Variants in MIGA1 observed in about 807,000 individuals in gnomAD.
MIGA1 encodes mitoguardin 1.
A neutral mutation model predicts 82.0 loss-of-function variants in MIGA1; 58 were observed. That is an observed-to-expected ratio of 0.71 (90% confidence interval 0.57 to 0.88). The LOEUF (loss-of-function observed/expected upper bound fraction) is 0.88, where lower values mean the gene tolerates loss of function less well. Ranked by LOEUF, MIGA1 falls within the 40% of genes least tolerant of loss-of-function variation. The pLI is 0.00. For synonymous variants in MIGA1, 249 were observed against 253.6 expected (o/e 0.98, Z 0.17); for missense variants, 751 against 749.1 (o/e 1.00, Z -0.03).
intron 5 of MIGA1, among the ~76,000 whole-genome samples, chr1:77,809,283 A>G (rs1405956332): frequency 6.6e-6 from 1 of 152,200 alleles, no homozygotes; most frequent in Non-Finnish European, 1.5e-5. Context: ...AATTCTCTTT[A>G]TAAAATTGAA....
At chr1:77,844,601 C>G (rs993623972) in intron 8 of MIGA1, among the ~76,000 whole-genome samples, 1 of 152,016 alleles carries the variant, frequency 6.6e-6, no homozygotes, top group African/African-American at 2.4e-5. Flanking sequence ...TTACGTGTGG[C>G]CAATTTTATC....
chr1:77,854,732 C>G (rs1427572840), intron 8 of MIGA1, among the ~76,000 whole-genome samples: 1 of 152,038 alleles, frequency 6.6e-6, no homozygotes, highest in East Asian at 1.9e-4. Flanking sequence ...TGTCCTTAGC[C>G]TACTTTTTGA....
chr1:77,854,371 A>G (rs920657027), intron 8 of MIGA1, among the ~76,000 whole-genome samples: 2 of 152,222 alleles, frequency 1.3e-5, no homozygotes, highest in Admixed American at 1.3e-4. Flanking sequence ...TGCATGTGCA[A>G]GTATCTTTTT....
chr1:77,859,928 A>G, intron 10 of MIGA1, 112 bp from the exon 11 acceptor site: 1 of 662,898 alleles, frequency 1.5e-6, no homozygotes, highest in Non-Finnish European at 2.6e-6. Flanking sequence ...CTGTTGAAAT[A>G]GCACCACATG....
chr1:77,878,298 G>T lies in MIGA1; in HGVS notation c.*3234G>T, dbSNP rs1646909264. 3 of 145,174 alleles carry T rather than the reference G, an allele frequency of 2.1e-5. No individual in the cohort carries two copies. The highest frequency in any genetic ancestry group is 4.4e-4 in the South Asian group (2 of 4,518). 9.0% of individuals were successfully genotyped at this position (145,174 alleles called of 1,614,324 possible). ...AATCCCAGCTACTCGAGAGGCTGAG[G>T]CAGGAGAATCGCTTGAACCCGGGAG... On this transcript the variant is annotated 3_prime_UTR_variant, in exon 16 of 16. Coordinates refer to ENST00000370791, the MANE Select transcript of MIGA1 (RefSeq NM_198549.4).
At position 77,801,561 on chromosome 1, in the gene MIGA1, A is replaced by G. The variant is rs1384193317; in HGVS notation, c.373+53A>G. On this transcript the variant is annotated intron_variant, in intron 3 of 15. Coordinates refer to ENST00000370791, the MANE Select transcript of MIGA1 (RefSeq NM_198549.4). ...ACAAAAGTGTGTAAATCATAACTGG[A>G]ATACAGTGATTTTGGTCTTTTAGTC... is the stretch of plus-strand genomic sequence containing the variant. 8 of 1,462,310 alleles carry G rather than the reference A, an allele frequency of 5.5e-6. No individual in the cohort carries two copies. The Admixed American group carries it at 2.2e-4, about 39-fold the overall frequency. 90.6% of individuals were successfully genotyped at this position (1,462,310 alleles called of 1,614,324 possible). A position where few individuals can be genotyped will look rare whatever the true frequency, so the allele number is the denominator to read the frequency against.
At chr1:77,806,852 G>A in intron 4 of MIGA1, 123 bp from the exon 5 acceptor site, 2 of 550,272 alleles carry the variant, frequency 3.6e-6, no homozygotes, top group South Asian at 2.7e-5. Flanking sequence ...ATTTCTTCAT[G>A]TGGAAATTAC....
chr1:77,869,859 G>T (rs1196079124), intron 14 of MIGA1, among the ~76,000 whole-genome samples: 2 of 115,438 alleles, frequency 1.7e-5, no homozygotes, highest in Non-Finnish European at 3.7e-5. Context: ...CTGGCCAGGC[G>T]GGGGGCTGAT....
intron 8 of MIGA1, chr1:77,847,385 G>A: frequency 8.9e-7 from 1 of 1,120,648 alleles, no homozygotes; most frequent in South Asian, 1.2e-5. Flanking sequence ...ATACTAAATT[G>A]CTTTTGGGGA....
At chr1:77,834,835 A>G (rs1684369587) in intron 7 of MIGA1, among the ~76,000 whole-genome samples, 1 of 152,234 alleles carries the variant, frequency 6.6e-6, no homozygotes, top group Non-Finnish European at 1.5e-5. Flanking sequence ...TAATAAAAGC[A>G]TAGAAAGGAC....
chr1:77,779,942 T>G (rs573878171), intron 1 of MIGA1: 5 of 1,370,062 alleles, frequency 3.6e-6, no homozygotes, highest in Non-Finnish European at 4.7e-6. Context: ...TCGTCTCATC[T>G]CAGAAGCTAA....
At chr1:77,837,960 G>T (rs941949583) in intron 7 of MIGA1, among the ~76,000 whole-genome samples, 2 of 152,108 alleles carry the variant, frequency 1.3e-5, no homozygotes, top group South Asian at 4.1e-4. Flanking sequence ...TCTCAATCAG[G>T]TTATAAAATT....
chr1:77,812,275 T>C (rs191632328), intron 5 of MIGA1, among the ~76,000 whole-genome samples: 4 of 152,156 alleles, frequency 2.6e-5, no homozygotes, highest in Non-Finnish European at 5.9e-5. Flanking sequence ...TCGAGACCAG[T>C]GTGGCCAGCA....
chr1:77,796,666 TATC>T (rs1682671049), intron 2 of MIGA1, among the ~76,000 whole-genome samples: 1 of 152,244 alleles, frequency 6.6e-6, no homozygotes, highest in Admixed American at 6.5e-5. Flanking sequence ...AGTCTTACAA[TATC>T]CAGGCAAAAC....
intron 8 of MIGA1, among the ~76,000 whole-genome samples, chr1:77,844,662 T>G (rs1684770347): frequency 6.6e-6 from 1 of 152,128 alleles, no homozygotes; most frequent in Admixed American, 6.5e-5. Context: ...TAATTTTAGG[T>G]GCTCTTTTTT....
intron 4 of MIGA1, among the ~76,000 whole-genome samples, chr1:77,805,371 C>T (rs1309176914): frequency 6.6e-6 from 1 of 151,106 alleles, no homozygotes; most frequent in East Asian, 2.0e-4. Context: ...TTTTTAAAGG[C>T]TCTTCTAGGA....
At chr1:77,833,704 G>C (rs762982569) in intron 7 of MIGA1, among the ~76,000 whole-genome samples, 2 of 152,320 alleles carry the variant, frequency 1.3e-5, no homozygotes, top group Admixed American at 1.3e-4. Context: ...CTGTGGCAGG[G>C]GACCTTTGTG....
intron 12 of MIGA1, among the ~76,000 whole-genome samples, chr1:77,862,889 C>T (rs1027531133): frequency 2.7e-5 from 4 of 148,718 alleles, no homozygotes; most frequent in Non-Finnish European, 5.9e-5. Context: ...TGCAGTAAGC[C>T]GAGATCGTGC....
intron 13 of MIGA1, among the ~76,000 whole-genome samples, chr1:77,865,420 G>A (rs1385792392): frequency 2.0e-5 from 3 of 151,894 alleles, no homozygotes; most frequent in African/African-American, 4.8e-5. Flanking sequence ...GTGACACCTC[G>A]TCTCTATAAA....
Sources: allele counts gnomAD v4.1 joint callset (sites outside exome capture counted in the v4.1 genomes callset), GRCh38; gene constraint gnomAD v4.1.1; transcripts MANE v1.5; gene names NCBI Gene and HGNC (gene_info 2026-07-23, HGNC 2026-07-21).